Variants in PTCD2 observed in about 807,000 individuals in gnomAD.
The protein encoded by PTCD2 is pentatricopeptide repeat-containing protein 2, mitochondrial.
A neutral mutation model predicts 42.6 loss-of-function variants in PTCD2; 31 were observed. That is an observed-to-expected ratio of 0.73 (90% confidence interval 0.55 to 0.98). PTCD2 has a LOEUF of 0.98. Among genes scored for constraint, PTCD2 ranks in the 50% least tolerant of loss-of-function variants. The probability of loss-of-function intolerance (pLI) is 0.00; values close to 1 mark genes in which losing one functional copy is unlikely to be tolerated. For missense variants in PTCD2, 476 were observed against 454.8 expected, an observed-to-expected ratio of 1.05 and a Z score of -0.42; for synonymous variants, 183 against 170.9, an observed-to-expected ratio of 1.07 and a Z score of -0.55.
chr5:72,345,386 T>C (rs1016260203), intron 8 of PTCD2, among the ~76,000 whole-genome samples: 11 of 152,220 alleles, frequency 7.2e-5, no homozygotes, highest in African/African-American at 2.2e-4. Flanking sequence ...CAAACACACA[T>C]GCTCTACAAA....
rs7718007 is a variant in PTCD2, at chr5:72,359,110, G to A, written c.*683G>A. The A allele has an allele frequency of 0.062, 9,525 of 152,442 alleles. 546 individuals carry two copies. Among genetic ancestry groups the A allele is most frequent in the African/African-American group, 0.15 (6,324 of 41,530 alleles). The allele number at this position is 152,442 out of a possible 1,614,324, so 9.4% of individuals were successfully genotyped here. On this transcript the variant is annotated 3_prime_UTR_variant, in exon 10 of 10. Transcript: ENST00000380639. ...TTTAGCCTTTAGGACTGCTGAGTAAGCCAAATTTAAATGACTACTGCTTTG... is the reference window on the plus strand; with the variant it reads ...TTTAGCCTTTAGGACTGCTGAGTAAACCAAATTTAAATGACTACTGCTTTG...
At chr5:72,351,937 GTATTT>G (rs1752642575) in intron 8 of PTCD2, among the ~76,000 whole-genome samples, 2 of 152,216 alleles carry the variant, frequency 1.3e-5, no homozygotes, top group South Asian at 4.1e-4. Context: ...CTGTATACTG[GTATTT>G]TATTTAATGT....
At chr5:72,356,556 T>C (rs148423228) in intron 9 of PTCD2, among the ~76,000 whole-genome samples, 66 of 152,366 alleles carry the variant, frequency 4.3e-4, no homozygotes, top group African/African-American at 1.5e-3. Flanking sequence ...AAAAGTGTTA[T>C]GTAGGGAGAT....
chr5:72,352,725 G>C lies in PTCD2; in HGVS notation c.913G>C (p.Val305Leu). The C allele has an allele frequency of 6.3e-7, 1 of 1,598,164 alleles. No homozygotes were observed. The highest frequency in any genetic ancestry group is 8.6e-7 in the Non-Finnish European group (1 of 1,165,846). ...TGCAGAAGGAAATTTATCAAAATTT[G>C]TGAAAAGACATGTGTTCTCGGAGGA... ...NAAEGNLSKF[V>L]KRHVFSEEVL... Residue 305 changes from valine to leucine, a missense_variant, in exon 9 of 10, where the codon GTG becomes CTG. Val to Leu is a conservative substitution (Grantham distance 32, BLOSUM62 1). Transcript: ENST00000380639.
Position 72,322,196 on chromosome 5 carries a change from A to G in PTCD2, c.152A>G (p.Asn51Ser), listed in dbSNP as rs1750896974. 1 of 1,594,864 alleles carries G rather than the reference A, an allele frequency of 6.3e-7. No individual in the cohort carries two copies. The part of the protein sequence containing the change: ...LGAKRYLLTD[N>S]VVKLKEFQQK... Reference sequence around the variant, plus strand: ...GCTAAAAGATACCTACTTACAGATAATGTGGTGAAATTAAAAGAATTTCAA... The same window carrying G: ...GCTAAAAGATACCTACTTACAGATAGTGTGGTGAAATTAAAAGAATTTCAA... The change falls in exon 2 of 10, where the codon AAT (asparagine) becomes AGT (serine). Residue 51 changes from asparagine (N) to serine (S), a missense_variant. Coordinates refer to ENST00000380639, the MANE Select transcript of PTCD2 (RefSeq NM_024754.5).
intron 9 of PTCD2, among the ~76,000 whole-genome samples, chr5:72,355,610 G>T (rs551481587): frequency 2.2e-4 from 34 of 152,232 alleles, no homozygotes; most frequent in African/African-American, 8.2e-4. Context: ...AAAGTGAAAT[G>T]AAACAAATGA....
chr5:72,348,030 A>C lies in PTCD2; in HGVS notation c.829-4611A>C, dbSNP rs542444742. On this transcript the variant is annotated intron_variant, in intron 8 of 9. Coordinates refer to ENST00000380639, the MANE Select transcript of PTCD2 (RefSeq NM_024754.5). Reference sequence around the variant, plus strand: ...ACCCACTGTCGGGAAACTTAAAGATAGTTTCAGTGTTTAAAAATTCTCAGG... The same window carrying C: ...ACCCACTGTCGGGAAACTTAAAGATCGTTTCAGTGTTTAAAAATTCTCAGG... 2.6e-5 allele frequency among the ~76,000 whole-genome samples: 4 copies of C among 152,356 alleles called. No homozygotes were observed. The South Asian group carries it at 8.3e-4, about 32-fold the overall frequency.
In PTCD2 at chr5:72,362,880, C is replaced by G. The variant is rs539399339; in HGVS notation, c.*4453C>G. ...TCATTACAGAGTGGCCAAATTCCTA[C>G]TGAAGAATGGACTTGGTTGTGAAAT... On this transcript the variant is annotated 3_prime_UTR_variant, in exon 10 of 10. Coordinates refer to ENST00000380639, the MANE Select transcript of PTCD2 (RefSeq NM_024754.5). The G allele has an allele frequency of 5.3e-5, 8 of 152,246 alleles. No homozygotes were observed. The South Asian group carries it at 8.3e-4, about 16-fold the overall frequency. 9.4% of individuals were successfully genotyped at this position (152,246 alleles called of 1,614,324 possible).
Position 72,338,655 on chromosome 5 carries a change from T to G in PTCD2, c.673T>G (p.Leu225Val), listed in dbSNP as rs975555256. The G allele has an allele frequency of 6.2e-7, 1 of 1,611,280 alleles. No homozygotes were observed. Among genetic ancestry groups the G allele is most frequent in the Admixed American group, 1.7e-5 (1 of 59,956 alleles). Residue 225 changes from leucine (L) to valine (V), a missense_variant, in exon 7 of 10, where the codon TTA (leucine) becomes GTA (valine). Physicochemically the swap from Leu to Val is conservative, Grantham distance 32. Coordinates refer to ENST00000380639, the MANE Select transcript of PTCD2 (RefSeq NM_024754.5). Reference protein sequence around the residue: ...SPESFKICTTLREEALLKGEI... With the variant: ...SPESFKICTTVREEALLKGEI... ...TGAGTCTTTCAAAATCTGTACTACA[T>G]TAAGAGAAGAAGCTCTACTCAAAGG...
intron 4 of PTCD2, among the ~76,000 whole-genome samples, chr5:72,332,389 G>A (rs1751487622): frequency 6.6e-6 from 1 of 151,988 alleles, no homozygotes; most frequent in African/African-American, 2.4e-5. Flanking sequence ...CATAAGAAAA[G>A]ACACATATTA....
At chr5:72,342,876 A>G (rs915961527) in intron 7 of PTCD2, 86 bp from the exon 8 acceptor site, 5 of 679,180 alleles carry the variant, frequency 7.4e-6, no homozygotes, top group Non-Finnish European at 9.5e-6. Flanking sequence ...TCACCTTAAT[A>G]GGAATATACT....
rs1753089408 is a variant in PTCD2, at chr5:72,361,269, C to T, written c.*2842C>T. On this transcript the variant is annotated 3_prime_UTR_variant, in exon 10 of 10. Transcript: ENST00000380639. ...AGTCATTGTGTTATTTCTCATTATCCTAAGTACTGACTGGGCTCAGCCAGA... is the reference window on the plus strand; with the variant it reads ...AGTCATTGTGTTATTTCTCATTATCTTAAGTACTGACTGGGCTCAGCCAGA... The T allele has an allele frequency of 6.6e-6, 1 of 152,126 alleles. No individual in the cohort carries two copies. The highest frequency in any genetic ancestry group is 6.5e-5 in the Admixed American group (1 of 15,278). 9.4% of individuals were successfully genotyped at this position (152,126 alleles called of 1,614,324 possible). A position where few individuals can be genotyped will look rare whatever the true frequency, so the allele number is the denominator to read the frequency against.
intron 2 of PTCD2, among the ~76,000 whole-genome samples, chr5:72,323,845 C>T (rs561220891): frequency 1.3e-5 from 2 of 152,126 alleles, no homozygotes; most frequent in East Asian, 1.9e-4. Context: ...GAGATGGTCT[C>T]ACTGTGTTGA....
At chr5:72,354,732 A>G (rs1334043910) in intron 9 of PTCD2, among the ~76,000 whole-genome samples, 3 of 152,344 alleles carry the variant, frequency 2.0e-5, no homozygotes, top group Non-Finnish European at 4.4e-5. Flanking sequence ...TTCTTGGAGT[A>G]TATTCTAAAA....
At chr5:72,331,568 C>G (rs1751441971) in intron 4 of PTCD2, among the ~76,000 whole-genome samples, 193 bp downstream of exon 4, 1 of 152,100 alleles carries the variant, frequency 6.6e-6, no homozygotes, top group African/African-American at 2.4e-5. Flanking sequence ...TAATATAGAA[C>G]AAGTGTGGAG....
At position 72,320,515 on chromosome 5, in the gene PTCD2, C is replaced by T. The variant is rs1750760478; in HGVS notation, c.127+6C>T. 2 of 1,613,516 alleles carry T rather than the reference C, an allele frequency of 1.2e-6. No individual in the cohort carries two copies. The highest frequency in any genetic ancestry group is 1.7e-5 in the Admixed American group (1 of 60,006). On this transcript the variant is annotated splice_donor_region_variant and intron_variant, in intron 1 of 9. Coordinates refer to ENST00000380639, the MANE Select transcript of PTCD2 (RefSeq NM_024754.5). ...CTGCCGCTGCCCTCTCGGAGGTATC[C>T]GCGGCTTTAGCCTAGGGAAGGAGGG...
At chr5:72,338,838 AAGT>A (rs1561386316) in intron 7 of PTCD2, 103 bp downstream of exon 7, 2 of 632,406 alleles carry the variant, frequency 3.2e-6, no homozygotes, top group South Asian at 4.4e-5. Flanking sequence ...CATCGTAAAG[AAGT>A]AGTCACCATA....
chr5:72,347,692 A>G (rs984826542), intron 8 of PTCD2, among the ~76,000 whole-genome samples: 3 of 152,250 alleles, frequency 2.0e-5, no homozygotes, highest in African/African-American at 7.2e-5. Context: ...GCCTCCAACA[A>G]CAACAAAAAT....
At chr5:72,340,747 A>G (rs1374568734) in intron 7 of PTCD2, among the ~76,000 whole-genome samples, 1 of 150,396 alleles carries the variant, frequency 6.6e-6, no homozygotes, top group Non-Finnish European at 1.5e-5. Context: ...TCAAGGTGAC[A>G]TTTTCTTTTC....
Sources: gnomAD v4.1 joint callset for allele counts (sites outside exome capture counted in the v4.1 genomes callset) on GRCh38, gnomAD v4.1.1 for gene constraint, MANE v1.5 for transcripts, NCBI Gene and HGNC (gene_info 2026-07-23, HGNC 2026-07-21) for gene names.